Variants in MIOS observed in about 807,000 individuals in gnomAD.
The protein encoded by MIOS is GATOR2 complex protein MIOS.
A neutral mutation model predicts 96.9 loss-of-function variants in MIOS; 52 were observed. The ratio of observed to expected loss-of-function variants is 0.54; its 90% CI spans 0.43 to 0.68. MIOS has a LOEUF of 0.68. Among genes scored for constraint, MIOS ranks in the 30% least tolerant of loss-of-function variants. The probability of loss-of-function intolerance (pLI) is 0.00; values close to 1 mark genes in which losing one functional copy is unlikely to be tolerated. For synonymous variants in MIOS, 397 were observed against 359.5 expected (o/e 1.10, Z -1.18); for missense variants, 1,005 against 1,052.8 (o/e 0.95, Z 0.63).
At chr7:7,594,589 C>A (rs949271421) in intron 9 of MIOS, among the ~76,000 whole-genome samples, 1 of 152,150 alleles carries the variant, frequency 6.6e-6, no homozygotes, top group South Asian at 2.1e-4. Flanking sequence ...GCCATCACGC[C>A]CAGCCTGTAT....
intron 11 of MIOS, among the ~76,000 whole-genome samples, chr7:7,603,583 A>C: frequency 6.6e-6 from 1 of 152,266 alleles, no homozygotes; most frequent in Non-Finnish European, 1.5e-5. Flanking sequence ...AGAGGATGTG[A>C]AGAAATAGGA....
chr7:7,605,112 A>G (rs966691619), intron 11 of MIOS: 2 of 152,216 alleles, frequency 1.3e-5, no homozygotes, highest in African/African-American at 4.8e-5. Context: ...CAATGGTCCA[A>G]GCAAAATTTT....
At chr7:7,603,904 C>G (rs1563048214) in intron 11 of MIOS, among the ~76,000 whole-genome samples, 1 of 151,976 alleles carries the variant, frequency 6.6e-6, no homozygotes, top group Non-Finnish European at 1.5e-5. Flanking sequence ...GAGTTCATGT[C>G]CTTTGTAGGG....
chr7:7,579,420 A>G (rs1230614155), intron 5 of MIOS, among the ~76,000 whole-genome samples: 1 of 152,188 alleles, frequency 6.6e-6, no homozygotes, highest in African/African-American at 2.4e-5. Context: ...TCTGTTAACA[A>G]TCGACTGCAT....
rs566301378 is a variant in MIOS at position 7,575,455 on chromosome 7, A to G, written c.1393+1259A>G. ...ACCTTTATTATAAATAGTAAAATGA[A>G]TAAGTTTAGTTAGAAGCTGCTGTTT... On this transcript the variant is annotated intron_variant, in intron 5 of 12. Coordinates refer to ENST00000340080, the MANE Select transcript of MIOS (RefSeq NM_019005.4). Among the ~76,000 whole-genome samples the G allele has an allele frequency of 3.3e-5, 5 of 152,236 alleles. No individual in the cohort carries two copies. The East Asian group carries it at 7.7e-4, about 24-fold the overall frequency.
Position 7,605,945 on chromosome 7 carries a change from G to A in MIOS, c.2405G>A (p.Gly802Glu). Residue 802 changes from glycine to glutamate, a missense_variant, in exon 12 of 13, where the codon GGA (glycine) becomes GAA (glutamate). This residue lies in a region of MIOS where 865 missense variants were observed against 887.9 expected (regional missense o/e 0.97). Transcript: ENST00000340080. ...MGTPVSSCPGGTKSDEKVDLS... is the reference protein window; with the variant it reads ...MGTPVSSCPGETKSDEKVDLS... ...AGATCATTTTATTTTGTCATAGGAG[G>A]AACCAAATCAGATGAAAAAGTGGAC... is the stretch of plus-strand genomic sequence containing the variant. 1 of 1,613,136 alleles carries A rather than the reference G, an allele frequency of 6.2e-7. No homozygotes were observed. Among genetic ancestry groups the A allele is most frequent in the Middle Eastern group, 1.7e-4 (1 of 6,054 alleles).
chr7:7,602,186 C>A (rs1455723985), intron 11 of MIOS, among the ~76,000 whole-genome samples: 1 of 152,152 alleles, frequency 6.6e-6, no homozygotes, highest in African/African-American at 2.4e-5. Flanking sequence ...CCCTCTCTCA[C>A]CACTCCTATT....
At chr7:7,582,540 T>A in intron 5 of MIOS, 4 of 615,436 alleles carry the variant, frequency 6.5e-6, no homozygotes, top group Non-Finnish European at 8.1e-6. Context: ...AAAATAGCCC[T>A]CAAGTTAGTC....
At chr7:7,575,868 T>C (rs1024546017) in intron 5 of MIOS, among the ~76,000 whole-genome samples, 1 of 150,914 alleles carries the variant, frequency 6.6e-6, no homozygotes. Context: ...CTCTCATTGC[T>C]AGGTTTTCAG....
rs775568108 is a variant in MIOS, at chr7:7,572,939, T to C, written c.464T>C (p.Ile155Thr). ...ATCTGCAGCAAATATACTCCTGATATAGTTCCCATGGAAAAAGTGAAACTT... is the reference window on the plus strand; with the variant it reads ...ATCTGCAGCAAATATACTCCTGATACAGTTCCCATGGAAAAAGTGAAACTT... ...WDICSKYTPD[I>T]VPMEKVKLSA... The change falls in exon 4 of 13, where the codon ATA becomes ACA. Residue 155 changes from isoleucine (I) to threonine (T), a missense_variant. Physicochemically the swap from Ile to Thr is moderately conservative, Grantham distance 89. Around this residue, in one of 3 missense-constraint regions of MIOS, gnomAD observed 865 missense variants for 887.9 expected, o/e 0.97. Coordinates refer to ENST00000340080, the MANE Select transcript of MIOS (RefSeq NM_019005.4). This position sits in a 1 kb window ranked among gnomAD's most constrained non-coding sequence, Gnocchi z 4.8. The C allele has an allele frequency of 2.5e-6, 4 of 1,614,172 alleles. No individual in the cohort carries two copies. The highest frequency in any genetic ancestry group is 1.7e-5 in the Admixed American group (1 of 60,024).
At chr7:7,579,014 A>G (rs1250195815) in intron 5 of MIOS, among the ~76,000 whole-genome samples, 2 of 152,108 alleles carry the variant, frequency 1.3e-5, no homozygotes, top group Admixed American at 6.5e-5. Flanking sequence ...CCTGGCCTAA[A>G]CCCTGATTTT....
chr7:7,608,102 T>C lies in MIOS; in HGVS notation c.*1010T>C, dbSNP rs1014689286. The C allele has an allele frequency of 2.0e-5, 3 of 152,042 alleles. No homozygotes were observed. The highest frequency in any genetic ancestry group is 7.2e-5 in the African/African-American group (3 of 41,424). The allele number at this position is 152,042 out of a possible 1,614,324, so 9.4% of individuals were successfully genotyped here. A position where few individuals can be genotyped will look rare whatever the true frequency, so the allele number is the denominator to read the frequency against. ...GGAAATGGGGTCACTTCAGAGACCA[T>C]TTTAGATGTAAGTTTTTAAATGTAA... On this transcript the variant is annotated 3_prime_UTR_variant, in exon 13 of 13. Coordinates refer to ENST00000340080, the MANE Select transcript of MIOS (RefSeq NM_019005.4).
intron 9 of MIOS, among the ~76,000 whole-genome samples, chr7:7,590,710 A>T (rs904897911): frequency 6.6e-6 from 1 of 151,924 alleles, no homozygotes; most frequent in Non-Finnish European, 1.5e-5. Context: ...CTTTTTAGCT[A>T]TATCTCTTTT....
At chr7:7,605,886 A>G in intron 11 of MIOS, 56 bp from the exon 12 acceptor site, 1 of 1,495,278 alleles carries the variant, frequency 6.7e-7, no homozygotes, top group Non-Finnish European at 9.1e-7. Flanking sequence ...TTTTGAAAGT[A>G]ACTTTAAATA....
intron 11 of MIOS, among the ~76,000 whole-genome samples, chr7:7,601,938 A>C (rs1784391372): frequency 6.6e-6 from 1 of 152,192 alleles, no homozygotes; most frequent in Admixed American, 6.5e-5. Context: ...CAATAAATGT[A>C]ATCCAGCACA....
intron 5 of MIOS, among the ~76,000 whole-genome samples, chr7:7,580,419 TCCTTGA>T (rs1194178898): frequency 6.6e-6 from 1 of 152,212 alleles, no homozygotes; most frequent in Non-Finnish European, 1.5e-5. Context: ...TCCTCTTAAC[TCCTTGA>T]CCTGAATTGG....
chr7:7,582,647 C>A, intron 5 of MIOS: 1 of 977,982 alleles, frequency 1.0e-6, no homozygotes, highest in Non-Finnish European at 1.2e-6. Flanking sequence ...AGGAAGAAAG[C>A]AAGATCACTT....
At chr7:7,583,092 A>C (rs776419719) in intron 5 of MIOS, 26 bp from the exon 6 acceptor site, 2 of 1,584,146 alleles carry the variant, frequency 1.3e-6, no homozygotes, top group South Asian at 1.2e-5. Context: ...GAAATAAAAC[A>C]ATATAAAAAT....
chr7:7,600,111 C>T (rs1194222796), intron 11 of MIOS, among the ~76,000 whole-genome samples: 2 of 151,944 alleles, frequency 1.3e-5, no homozygotes, highest in East Asian at 3.9e-4. Flanking sequence ...CCAAAACCCC[C>T]ATGACACGCA....
Sources: allele counts gnomAD v4.1 joint callset (sites outside exome capture counted in the v4.1 genomes callset), GRCh38; gene constraint gnomAD v4.1.1; regional missense constraint gnomAD v4.1.1; non-coding constraint Gnocchi (gnomAD v3.1); transcripts MANE v1.5; gene names NCBI Gene and HGNC (gene_info 2026-07-23, HGNC 2026-07-21).